The following RMP24 variants were observed in gnomAD, a reference collection of about 807,000 sequenced individuals.
RMP24 encodes the protein ribonuclease MRP subunit p24, also known as ribonuclease MRP protein subunit p24.
chr18:35,978,845 T>G, the RMP24 span: 2 of 1,596,346 alleles, frequency 1.3e-6, no homozygotes. Flanking sequence ...AACACCTACA[T>G]CTGGACAGTC....
chr18:35,975,994 C>T, the RMP24 span, among the ~76,000 whole-genome samples: 4 of 152,110 alleles, frequency 2.6e-5, no homozygotes, highest in African/African-American at 9.7e-5. Flanking sequence ...TCATTACTGC[C>T]ACATATTTGG....
At chr18:35,972,842 T>A in the RMP24 span, 4 of 1,613,996 alleles carry the variant, frequency 2.5e-6, no homozygotes, top group Non-Finnish European at 3.4e-6. Context: ...GGCGAGCGGG[T>A]AGGTGTTCCT....
chr18:35,977,627 T>TGG, the RMP24 span: 1 of 1,594,928 alleles, frequency 6.3e-7, no homozygotes, highest in East Asian at 2.2e-5. Flanking sequence ...AGTTTTTGAA[T>TGG]TGCCAGTGTT....
At chr18:35,972,683 T>G in the RMP24 span, 1 of 1,564,740 alleles carries the variant, frequency 6.4e-7, no homozygotes, top group Non-Finnish European at 8.6e-7. Flanking sequence ...GGCGCCCTAT[T>G]TTCTCACCTG....
chr18:35,974,318 C>T, the RMP24 span, among the ~76,000 whole-genome samples: 3 of 152,118 alleles, frequency 2.0e-5, no homozygotes, highest in Non-Finnish European at 4.4e-5. Context: ...GTGAATTGTC[C>T]TTTGTTCACT....
chr18:35,974,136 A>C, the RMP24 span, among the ~76,000 whole-genome samples: 2 of 152,156 alleles, frequency 1.3e-5, no homozygotes, highest in Non-Finnish European at 2.9e-5. Context: ...ATCTGCTTTC[A>C]TGTGAATCCT....
the RMP24 span, chr18:35,973,828 A>G: frequency 0.26 from 39,574 of 152,292 alleles, 5,465 homozygotes; most frequent in African/African-American, 0.36. Context: ...AGGGTGAGGC[A>G]TGAGAATCTC....
At chr18:35,978,887 AAAACAAAG>A in the RMP24 span, 1 of 1,613,244 alleles carries the variant, frequency 6.2e-7, no homozygotes, top group Non-Finnish European at 8.5e-7. Flanking sequence ...GAACACCAGC[AAAACAAAG>A]AAACACTTCT....
the RMP24 span, among the ~76,000 whole-genome samples, chr18:35,974,180 T>C: frequency 1.3e-5 from 2 of 152,324 alleles, no homozygotes; most frequent in Admixed American, 6.5e-5. Flanking sequence ...TATCACTCAA[T>C]GAAGCTTTCC....
chr18:35,972,976 C>T, the RMP24 span: 1 of 1,592,594 alleles, frequency 6.3e-7, no homozygotes, highest in Non-Finnish European at 8.6e-7. Flanking sequence ...CCGCACAACG[C>T]TCAAATAAGG....
chr18:35,975,085 A>G, the RMP24 span: 6 of 1,612,526 alleles, frequency 3.7e-6, no homozygotes, highest in Non-Finnish European at 5.1e-6. Flanking sequence ...AAAGACTCCA[A>G]AAGTGTATTG....
chr18:35,978,384 G>A, the RMP24 span, among the ~76,000 whole-genome samples: 133 of 152,332 alleles, frequency 8.7e-4, no homozygotes, highest in Non-Finnish European at 1.6e-3. Context: ...ACTTTGGGAG[G>A]CTGAGGTGGG....
the RMP24 span, chr18:35,977,471 T>G: frequency 1.9e-6 from 3 of 1,614,162 alleles, no homozygotes; most frequent in Non-Finnish European, 2.5e-6. Context: ...AGAAGCTTTG[T>G]GTCAACATTG....
At chr18:35,975,101 A>C in the RMP24 span, 5 of 1,609,818 alleles carry the variant, frequency 3.1e-6, no homozygotes, top group Non-Finnish European at 4.2e-6. Flanking sequence ...TATTGGTAAG[A>C]TTTCAGTTCC....
At chr18:35,977,480 T>C in the RMP24 span, 10 of 1,613,992 alleles carry the variant, frequency 6.2e-6, no homozygotes, top group Admixed American at 1.7e-4. Context: ...GTGTCAACAT[T>C]GAAGAGCAAT....
At chr18:35,977,729 T>C in the RMP24 span, 1 of 866,160 alleles carries the variant, frequency 1.2e-6, no homozygotes, top group South Asian at 1.9e-5. Context: ...CATACCCTTT[T>C]CTAATGTCAC....
At chr18:35,978,993 G>C in the RMP24 span, 1 of 1,584,492 alleles carries the variant, frequency 6.3e-7, no homozygotes, top group African/African-American at 1.4e-5. Context: ...CTGAAGGGTG[G>C]ACTTTTAAAA....
chr18:35,972,721 C>G, the RMP24 span: 1 of 1,604,216 alleles, frequency 6.2e-7, no homozygotes, highest in Non-Finnish European at 8.5e-7. Flanking sequence ...GCGGCAGCGG[C>G]GGCGGCGATG....
At chr18:35,978,857 G>C in the RMP24 span, 1 of 1,608,032 alleles carries the variant, frequency 6.2e-7, no homozygotes, top group Non-Finnish European at 8.5e-7. Context: ...TGGACAGTCA[G>C]TATCTACTTG....
Sources: allele counts gnomAD v4.1 joint callset (sites outside exome capture counted in the v4.1 genomes callset), GRCh38; gene constraint gnomAD v4.1.1; transcripts MANE v1.5; gene names NCBI Gene and HGNC (gene_info 2026-07-23, HGNC 2026-07-21).